RARB: variants seen among roughly 807,000 people sequenced by gnomAD.
The protein encoded by RARB is retinoic acid receptor beta.
A neutral mutation model predicts 51.9 loss-of-function variants in RARB; 17 were observed. The ratio of observed to expected loss-of-function variants is 0.33; its 90% confidence interval spans 0.22 to 0.49. RARB has a LOEUF of 0.49. Among genes scored for constraint, RARB ranks in the 20% least tolerant of loss-of-function variants. The pLI is 0.99. For missense variants in RARB, 369 were observed against 550.8 expected (o/e 0.67, Z 3.30); for synonymous variants, 215 against 195.4 (o/e 1.10, Z -0.84).
chr3:25,484,197 G>T (rs1041625030), intron 2 of RARB, among the ~76,000 whole-genome samples: 1 of 152,172 alleles, frequency 6.6e-6, no homozygotes, highest in African/African-American at 2.4e-5. Flanking sequence ...CTAATTTAGA[G>T]TGGGAATTTT....
chr3:25,309,057 A>G (rs1704220887), intron 5 of RARB, among the ~76,000 whole-genome samples: 2 of 151,496 alleles, frequency 1.3e-5, no homozygotes, highest in Admixed American at 6.6e-5. Flanking sequence ...GTTGATCTGT[A>G]GAAAAGTACC....
chr3:25,309,281 C>T (rs1704228309), intron 5 of RARB, among the ~76,000 whole-genome samples: 1 of 150,558 alleles, frequency 6.6e-6, no homozygotes, highest in Admixed American at 6.6e-5. Context: ...ACTACAGGCA[C>T]CCGCCATCAT....
intron 1 of RARB, among the ~76,000 whole-genome samples, chr3:25,448,464 TTTTC>T (rs1309695593): frequency 2.0e-5 from 3 of 152,306 alleles, no homozygotes; most frequent in Admixed American, 6.5e-5. Context: ...CTTGAGAATC[TTTTC>T]TTTCTTTTTG....
chr3:25,272,771 A>G (rs551232182), intron 5 of RARB, among the ~76,000 whole-genome samples: 5 of 152,306 alleles, frequency 3.3e-5, no homozygotes, highest in South Asian at 2.1e-4. Context: ...ATCAAGTCAC[A>G]TAAGAGGACT....
intron 5 of RARB, among the ~76,000 whole-genome samples, chr3:25,346,153 A>C (rs915716511): frequency 5.3e-5 from 8 of 152,034 alleles, no homozygotes. Context: ...TTCAGATACA[A>C]CTTCCATACC....
intron 5 of RARB, among the ~76,000 whole-genome samples, chr3:25,590,355 G>C (rs1017157922): frequency 1.1e-4 from 16 of 152,242 alleles, no homozygotes; most frequent in African/African-American, 3.9e-4. Context: ...GTTCCTTTCC[G>C]ACAAATCTCT....
At chr3:25,300,285 A>C (rs190757956) in intron 5 of RARB, among the ~76,000 whole-genome samples, 9 of 152,218 alleles carry the variant, frequency 5.9e-5, no homozygotes, top group Non-Finnish European at 1.0e-4. Context: ...AATGAGTAAG[A>C]TGCTGTAAAA....
chr3:24,915,696 A>T (rs1341218042), intron 2 of RARB, among the ~76,000 whole-genome samples: 2 of 152,168 alleles, frequency 1.3e-5, no homozygotes, highest in East Asian at 3.8e-4. Flanking sequence ...TGTGACTTGG[A>T]TCTGGTTCAA....
intron 2 of RARB, among the ~76,000 whole-genome samples, chr3:25,482,630 C>T (rs1234801404): frequency 7.2e-6 from 1 of 139,252 alleles, no homozygotes; most frequent in African/African-American, 2.6e-5. Flanking sequence ...ACCTCTGCCT[C>T]CCAGGTTCAG....
intron 5 of RARB, among the ~76,000 whole-genome samples, chr3:25,190,201 C>G (rs537033707): frequency 0.029 from 405 of 13,802 alleles, 2 homozygotes; most frequent in African/African-American, 0.16. Flanking sequence ...CAAATGGATT[C>G]AAGAGTTAAA....
At chr3:25,281,593 G>C (rs558460729) in intron 5 of RARB, among the ~76,000 whole-genome samples, 1 of 152,298 alleles carries the variant, frequency 6.6e-6, no homozygotes, top group Admixed American at 6.5e-5. Context: ...CAAATGATCA[G>C]CACTGGGCTA....
chr3:25,174,395 A>C (rs1281656717), exon 5 of RARB: 2 of 1,351,936 alleles, frequency 1.5e-6, no homozygotes, highest in African/African-American at 3.0e-5. Flanking sequence ...TGAGGCCCGA[A>C]ACATGACCAC....
chr3:25,528,731 G>GA (rs35835156), intron 3 of RARB, among the ~76,000 whole-genome samples: 37,995 of 151,604 alleles, frequency 0.25, 6,762 homozygotes, highest in African/African-American at 0.49. Flanking sequence ...TGCCTTAGGA[G>GA]AAAAAAGATT....
chr3:25,339,650 G>T (rs771967416), intron 5 of RARB, among the ~76,000 whole-genome samples: 1 of 150,884 alleles, frequency 6.6e-6, no homozygotes, highest in Admixed American at 6.6e-5. Context: ...AGGCATTCTG[G>T]TTTTAACACA....
chr3:25,328,866 A>G (rs1434759521), intron 5 of RARB, among the ~76,000 whole-genome samples: 1 of 152,210 alleles, frequency 6.6e-6, no homozygotes, highest in African/African-American at 2.4e-5. Flanking sequence ...ATGGCACACC[A>G]GGAGATTATG....
At chr3:24,846,408 AAGGACTTCAAAGAAGAAAATATC>A (rs1307921647) in intron 1 of RARB, among the ~76,000 whole-genome samples, 2 of 152,240 alleles carry the variant, frequency 1.3e-5, no homozygotes, top group Admixed American at 6.5e-5. Flanking sequence ...TATCCAGTTC[AAGGACTTCAAAGAAGAAAATATC>A]AGGATATGTG....
intron 3 of RARB, among the ~76,000 whole-genome samples, chr3:25,073,152 T>A (rs1264841170): frequency 1.3e-5 from 2 of 152,178 alleles, no homozygotes; most frequent in Non-Finnish European, 2.9e-5. Context: ...AAGTGATGTG[T>A]GCGTCTACAA....
intron 3 of RARB, among the ~76,000 whole-genome samples, chr3:25,113,836 AGAGGCTG>A (rs1699643240): frequency 6.6e-6 from 1 of 152,060 alleles, no homozygotes; most frequent in Non-Finnish European, 1.5e-5. Flanking sequence ...AGAGAACAGG[AGAGGCTG>A]GTTGCATTGC....
At chr3:25,235,473 C>G (rs1430544118) in intron 5 of RARB, among the ~76,000 whole-genome samples, 1 of 152,138 alleles carries the variant, frequency 6.6e-6, no homozygotes, top group Non-Finnish European at 1.5e-5. Flanking sequence ...AAAAGGAGAT[C>G]AGAGGTATTT....
Sources: allele counts gnomAD v4.1 joint callset (sites outside exome capture counted in the v4.1 genomes callset), GRCh38; gene constraint gnomAD v4.1.1; transcripts MANE v1.5; gene names NCBI Gene and HGNC (gene_info 2026-07-23, HGNC 2026-07-21).